Variants in PPP1R16B observed in about 807,000 individuals in gnomAD.
PPP1R16B encodes the protein protein phosphatase 1 regulatory subunit 16B, also known as protein phosphatase 1 regulatory inhibitor subunit 16B.
A neutral mutation model predicts 61.7 loss-of-function variants in PPP1R16B; 14 were observed. The ratio of observed to expected loss-of-function variants is 0.23; its 90% confidence interval spans 0.15 to 0.35. The LOEUF is 0.35. Ranked by LOEUF, PPP1R16B falls within the 10% of genes least tolerant of loss-of-function variation. PPP1R16B has a pLI of 1.00. For synonymous variants in PPP1R16B, 266 were observed against 305.3 expected (o/e 0.87, Z 1.34); for missense variants, 547 against 752.5 (o/e 0.73, Z 3.19).
intron 2 of PPP1R16B, among the ~76,000 whole-genome samples, chr20:38,855,926 A>G (rs1260352269): frequency 3.4e-5 from 2 of 58,926 alleles, no homozygotes; most frequent in Non-Finnish European, 3.0e-5. Flanking sequence ...ATATATATAT[A>G]TATATATATA....
chr20:38,833,383 TAAAAC>T (rs1214693823), intron 1 of PPP1R16B, among the ~76,000 whole-genome samples: 2 of 152,118 alleles, frequency 1.3e-5, no homozygotes, highest in Non-Finnish European at 2.9e-5. Context: ...TACAATTGCA[TAAAAC>T]AAAACACATC....
chr20:38,842,447 G>A (rs2084914269), intron 2 of PPP1R16B, among the ~76,000 whole-genome samples: 1 of 152,098 alleles, frequency 6.6e-6, no homozygotes, highest in East Asian at 1.9e-4. Flanking sequence ...AATGTGTAGG[G>A]TTTTCTTTAT....
At position 38,895,766 on chromosome 20, in the gene PPP1R16B, A is replaced by ACTTCCTTCTTTCTCTCCTCCCTTCCTC. The variant is rs1555807784; in HGVS notation, c.467+78_467+79insTCCTCCTTCCTTCTTTCTCTCCTCCCT. 5.6e-4 allele frequency: 703 copies of ACTTCCTTCTTTCTCTCCTCCCTTCCTC among 1,262,254 alleles called. 24 individuals carry two copies. Among genetic ancestry groups the ACTTCCTTCTTTCTCTCCTCCCTTCCTC allele is most frequent in the East Asian group, 5.4e-3 (172 of 31,952 alleles). The allele number at this position is 1,262,254 out of a possible 1,614,324, so 78.2% of individuals were successfully genotyped here. ...TCCCTCCACCTCTTGTCTTTTTCCA[A>ACTTCCTTCTTTCTCTCCTCCCTTCCTC]CTTCCTTCTTTCTCTCCTCCCTCCC... On this transcript the variant is annotated intron_variant, in intron 4 of 10. Transcript: ENST00000299824.
chr20:38,914,199 C>A (rs930698071), intron 10 of PPP1R16B, among the ~76,000 whole-genome samples: 2 of 151,274 alleles, frequency 1.3e-5, no homozygotes, highest in African/African-American at 2.4e-5. Flanking sequence ...AAAAAAAAAT[C>A]ATTTAGCAAG....
rs370577250 is a variant in PPP1R16B, at chr20:38,918,671, C to G, written c.*5C>G. The G allele has an allele frequency of 1.2e-5, 18 of 1,500,428 alleles. 1 individual carries two copies. In the Admixed American group the frequency reaches 2.1e-4, roughly 17 times the overall value. 92.9% of individuals were successfully genotyped at this position (1,500,428 alleles called of 1,614,324 possible). A position where few individuals can be genotyped will look rare whatever the true frequency, so the allele number is the denominator to read the frequency against. On this transcript the variant is annotated 3_prime_UTR_variant, in exon 11 of 11. Coordinates refer to ENST00000299824, the MANE Select transcript of PPP1R16B (RefSeq NM_015568.4). The surrounding 1 kb of genome is among the most constrained non-coding windows in gnomAD (Gnocchi z 5.3). ...GGCTGTTGCCGTATCTCCTAGTCTCCGTGTGATGGAGGAGGGAGATGCCTG... is the reference window on the plus strand; with the variant it reads ...GGCTGTTGCCGTATCTCCTAGTCTCGGTGTGATGGAGGAGGGAGATGCCTG...
intron 2 of PPP1R16B, among the ~76,000 whole-genome samples, chr20:38,879,145 C>T (rs948285482): frequency 6.6e-6 from 1 of 151,980 alleles, no homozygotes; most frequent in Non-Finnish European, 1.5e-5. Context: ...CCTGGTGCAG[C>T]GGGGGTCTGA....
Position 38,808,174 on chromosome 20 carries a change from C to T in PPP1R16B, c.-102+2382C>T, listed in dbSNP as rs115869353. The stretch of plus-strand genomic sequence containing the variant: ...TGGCCTCACAGAATCCTCACAACCC[C>T]GTGAAGTAGGCATTACTGATTCCCA... On this transcript the variant is annotated intron_variant, in intron 1 of 10. Transcript: ENST00000299824. Among the ~76,000 whole-genome samples the T allele has an allele frequency of 2.1e-3, 326 of 152,276 alleles. 5 individuals are homozygous for T. The highest frequency in any genetic ancestry group is 7.6e-3 in the African/African-American group (316 of 41,540).
chr20:38,813,799 T>G (rs2084717632), intron 1 of PPP1R16B, among the ~76,000 whole-genome samples: 1 of 148,404 alleles, frequency 6.7e-6, no homozygotes, highest in Admixed American at 6.8e-5. Context: ...ATTATTATTA[T>G]TATTATTATT....
chr20:38,813,763 TC>T (rs1658712113), intron 1 of PPP1R16B, among the ~76,000 whole-genome samples: 1 of 130,314 alleles, frequency 7.7e-6, no homozygotes, highest in East Asian at 2.0e-4. Context: ...ATCATCATCA[TC>T]ATCATTATTA....
rs560349096 is a variant in PPP1R16B at position 38,918,326 on chromosome 20, T to C, written c.1364T>C (p.Met455Thr). 21 of 1,614,196 alleles carry C rather than the reference T, an allele frequency of 1.3e-5. No individual in the cohort carries two copies. Among genetic ancestry groups the C allele is most frequent in the Non-Finnish European group, 1.8e-5 (21 of 1,180,032 alleles). Residue 455 changes from methionine (M) to threonine (T), a missense_variant, in exon 11 of 11, where the codon ATG (methionine) becomes ACG (threonine). Physicochemically the swap from Met to Thr is moderately conservative, Grantham distance 81. Coordinates refer to ENST00000299824, the MANE Select transcript of PPP1R16B (RefSeq NM_015568.4). The surrounding 1 kb of genome is among the most constrained non-coding windows in gnomAD (Gnocchi z 5.3). ...WKVHEVPDYS[M>T]AYGNPGVADA... ...GTGCATGAGGTGCCTGACTACAGCA[T>C]GGCCTATGGCAACCCTGGCGTGGCC... is the stretch of plus-strand genomic sequence containing the variant.
At chr20:38,882,038 A>T (rs2085206799) in intron 2 of PPP1R16B, among the ~76,000 whole-genome samples, 1 of 152,178 alleles carries the variant, frequency 6.6e-6, no homozygotes, top group Non-Finnish European at 1.5e-5. Context: ...CTGGAGCAAT[A>T]ATCGCAGGGA....
chr20:38,857,542 G>C (rs981459505), intron 2 of PPP1R16B, among the ~76,000 whole-genome samples: 2 of 152,162 alleles, frequency 1.3e-5, no homozygotes, highest in Non-Finnish European at 2.9e-5. Flanking sequence ...AGGAGCTTAA[G>C]GTTAAGCACT....
At chr20:38,880,864 G>A (rs558651654) in intron 2 of PPP1R16B, among the ~76,000 whole-genome samples, 1 of 152,302 alleles carries the variant, frequency 6.6e-6, no homozygotes, top group East Asian at 1.9e-4. Context: ...TGGTAATGCT[G>A]TTTAACTTTT....
chr20:38,832,146 G>A (rs564556919), intron 1 of PPP1R16B, among the ~76,000 whole-genome samples: 9 of 152,296 alleles, frequency 5.9e-5, no homozygotes, highest in East Asian at 1.9e-4. Context: ...ACTATCTAGC[G>A]GTGGTATGTT....
intron 4 of PPP1R16B, among the ~76,000 whole-genome samples, 178 bp downstream of exon 4, chr20:38,895,888 T>C (rs149904067): frequency 0.076 from 3,272 of 43,020 alleles, 103 homozygotes; most frequent in East Asian, 0.14. Flanking sequence ...CCTTCTTTCT[T>C]CCCTCCCTCC....
At chr20:38,912,655 A>G (rs2085501907) in intron 10 of PPP1R16B, among the ~76,000 whole-genome samples, 1 of 151,956 alleles carries the variant, frequency 6.6e-6, no homozygotes, top group African/African-American at 2.4e-5. Context: ...AGCCTGGGTG[A>G]CAGAGTGAGG....
At chr20:38,874,617 T>G (rs2085152750) in intron 2 of PPP1R16B, among the ~76,000 whole-genome samples, 1 of 152,196 alleles carries the variant, frequency 6.6e-6, no homozygotes. Flanking sequence ...TGGAAGTGGT[T>G]GGAGCAAAGG....
At chr20:38,889,518 G>A (rs571786515) in intron 2 of PPP1R16B, 77 bp from the exon 3 acceptor site, 134 of 1,259,002 alleles carry the variant, frequency 1.1e-4, no homozygotes, top group South Asian at 3.3e-4. Context: ...GGGGGAGAGC[G>A]GGTCTTACCC....
intron 2 of PPP1R16B, among the ~76,000 whole-genome samples, chr20:38,877,952 GTTTTTTTTTT>G (rs34151516): frequency 6.9e-5 from 4 of 57,816 alleles, no homozygotes; most frequent in Admixed American, 2.5e-4. Context: ...GCACACAGTT[GTTTTTTTTTT>G]TTTTTTTTTT....
Sources: gnomAD v4.1 joint callset for allele counts (sites outside exome capture counted in the v4.1 genomes callset) on GRCh38, gnomAD v4.1.1 for gene constraint, Gnocchi (gnomAD v3.1) non-coding constraint, MANE v1.5 for transcripts, NCBI Gene and HGNC (gene_info 2026-07-23, HGNC 2026-07-21) for gene names.